PDILT: variants seen among roughly 807,000 people sequenced by gnomAD.
The protein encoded by PDILT is protein disulfide isomerase like, testis expressed.
A neutral mutation model predicts 53.7 loss-of-function variants in PDILT; 43 were observed. That is an observed-to-expected ratio of 0.80 (90% confidence interval 0.63 to 1.03). The LOEUF (loss-of-function observed/expected upper bound fraction) is 1.03. Among genes scored for constraint, PDILT ranks in the 50% least tolerant of loss-of-function variants. The pLI is 0.00. For synonymous variants in PDILT, 282 were observed against 274.2 expected (o/e 1.03, Z -0.28); for missense variants, 727 against 712.3 (o/e 1.02, Z -0.24).
intron 8 of PDILT, among the ~76,000 whole-genome samples, chr16:20,366,265 C>A (rs9806861): frequency 0.57 from 86,267 of 151,826 alleles, 25,294 homozygotes; most frequent in Middle Eastern, 0.63. Context: ...AAATGGCCAA[C>A]CTTCCTCCCA....
intron 8 of PDILT, 43 bp downstream of exon 8, chr16:20,369,449 G>A (rs190010602): frequency 1.3e-6 from 2 of 1,560,874 alleles, no homozygotes; most frequent in Admixed American, 1.7e-5. Context: ...AGAAGGAGAT[G>A]ATTTTGAGGT....
Position 20,365,470 on chromosome 16 carries a change from T to G in PDILT, c.1187A>C (p.Asn396Thr). 6.2e-7 allele frequency: 1 copy of G among 1,613,960 alleles called. No homozygotes were observed. The highest frequency in any genetic ancestry group is 8.5e-7 in the Non-Finnish European group (1 of 1,179,796). Residue 396 changes from asparagine to threonine, a missense_variant, in exon 9 of 12, where the codon AAC (asparagine) becomes ACC (threonine). Coordinates refer to ENST00000302451, the MANE Select transcript of PDILT (RefSeq NM_174924.2). ...TTTGTCAAAGACGACTACGTTGAAG[T>G]TCTTCCCCACGAGCTGCTTAACCAG... ...QGLVKQLVGK[N>T]FNVVVFDKEK...
In PDILT at chr16:20,369,698, G is replaced by C; in HGVS notation, c.919-9C>G. 5 of 1,613,782 alleles carry C rather than the reference G, an allele frequency of 3.1e-6. No homozygotes were observed. The highest frequency in any genetic ancestry group is 4.2e-6 in the Non-Finnish European group (5 of 1,179,946). ...ACAAGGATGAAAAGGATCTGCCAAAGAAAACAAAACCCTTGTCTCTCTGGA... is the reference window on the plus strand; with the variant it reads ...ACAAGGATGAAAAGGATCTGCCAAACAAAACAAAACCCTTGTCTCTCTGGA... On this transcript the variant is annotated splice_polypyrimidine_tract_variant and intron_variant, in intron 7 of 11. Transcript: ENST00000302451.
chr16:20,365,365 C>A, intron 9 of PDILT, 55 bp downstream of exon 9: 7 of 1,596,264 alleles, frequency 4.4e-6, no homozygotes, highest in Non-Finnish European at 6.0e-6. Context: ...AGGAGAAACA[C>A]TTGAAACATA....
At chr16:20,386,757 C>T (rs1966545143) in intron 2 of PDILT, among the ~76,000 whole-genome samples, 1 of 152,246 alleles carries the variant, frequency 6.6e-6, no homozygotes, top group Admixed American at 6.5e-5. Flanking sequence ...TGGCCAATTG[C>T]TGGCTGCTCT....
Position 20,397,773 on chromosome 16 carries a change from C to T in PDILT, c.202+1326G>A, listed in dbSNP as rs117862671. 9.3e-3 allele frequency among the ~76,000 whole-genome samples: 1,409 copies of T among 152,264 alleles called. 7 individuals are homozygous for T. Among genetic ancestry groups the T allele is most frequent in the South Asian group, 0.025 (121 of 4,810 alleles). ...GTGAAAACCAAGAAGGGAAAGGCACCCTGCCTCCCCTGCCCTGCTCTTCCC... is the reference window on the plus strand; with the variant it reads ...GTGAAAACCAAGAAGGGAAAGGCACTCTGCCTCCCCTGCCCTGCTCTTCCC... On this transcript the variant is annotated intron_variant, in intron 2 of 11. Transcript: ENST00000302451.
chr16:20,383,394 G>C (rs1168770513), intron 3 of PDILT, among the ~76,000 whole-genome samples: 2 of 152,114 alleles, frequency 1.3e-5, no homozygotes, highest in African/African-American at 4.8e-5. Flanking sequence ...TCATCCCCTG[G>C]TATCTATAGG....
At chr16:20,384,886 T>G in intron 2 of PDILT, 35 bp from the exon 3 acceptor site, 4 of 1,578,898 alleles carry the variant, frequency 2.5e-6, no homozygotes, top group Admixed American at 1.7e-5. Flanking sequence ...TGAGAGGCCT[T>G]TCCTCGCTCC....
chr16:20,365,915 T>C (rs1966185137), intron 8 of PDILT, among the ~76,000 whole-genome samples: 1 of 151,888 alleles, frequency 6.6e-6, no homozygotes, highest in Admixed American at 6.6e-5. Context: ...ACCTCATCTC[T>C]ACTAAAAAAA....
chr16:20,399,286 C>A lies in PDILT; in HGVS notation c.15G>T (p.Trp5Cys). Residue 5 changes from tryptophan to cysteine, a missense_variant, in exon 2 of 12, where the codon TGG becomes TGT. Physicochemically the swap from Trp to Cys is radical, Grantham distance 215 (BLOSUM62 -2). Transcript: ENST00000302451. ...AAGCGGCCACCAGCAGCAGGGGCAT[C>A]CAGAGTAGGTCCATGGCTGTCCTGC... is the stretch of plus-strand genomic sequence containing the variant. MDLL[W>C]MPLLLVAACV... is the part of the protein sequence containing the mutation. The A allele has an allele frequency of 6.2e-7, 1 of 1,613,952 alleles. No individual in the cohort carries two copies. The highest frequency in any genetic ancestry group is 1.1e-5 in the South Asian group (1 of 91,078).
At chr16:20,390,318 A>AC (rs1367887153) in intron 2 of PDILT, among the ~76,000 whole-genome samples, 2 of 151,916 alleles carry the variant, frequency 1.3e-5, no homozygotes, top group East Asian at 3.9e-4. Flanking sequence ...CTCTTCAGAA[A>AC]CCCTATATCT....
intron 2 of PDILT, among the ~76,000 whole-genome samples, chr16:20,389,662 T>C (rs956486435): frequency 6.6e-6 from 1 of 152,160 alleles, no homozygotes; most frequent in Non-Finnish European, 1.5e-5. Context: ...TCCCTGACTG[T>C]CTGCTTGGTG....
At chr16:20,364,648 G>T (rs1007036545) in intron 9 of PDILT, among the ~76,000 whole-genome samples, 1 of 152,162 alleles carries the variant, frequency 6.6e-6, no homozygotes, top group Non-Finnish European at 1.5e-5. Context: ...ACCTTTCTCT[G>T]TGTCTCAGGG....
intron 3 of PDILT, among the ~76,000 whole-genome samples, chr16:20,380,595 C>A (rs980858904): frequency 3.3e-5 from 5 of 152,234 alleles, no homozygotes; most frequent in Non-Finnish European, 7.3e-5. Flanking sequence ...CTTGGCCTCC[C>A]AAAGTGCTGG....
chr16:20,400,672 G>T (rs1966729235), intron 1 of PDILT, among the ~76,000 whole-genome samples: 1 of 151,848 alleles, frequency 6.6e-6, no homozygotes, highest in African/African-American at 2.4e-5. Context: ...TACCCCCAAG[G>T]TACCCATCAC....
chr16:20,395,276 G>A (rs1425261420), intron 2 of PDILT, among the ~76,000 whole-genome samples: 1 of 152,116 alleles, frequency 6.6e-6, no homozygotes, highest in Non-Finnish European at 1.5e-5. Flanking sequence ...AACATCCATG[G>A]GCCTAAGTTC....
chr16:20,378,410 T>A (rs1346189039), intron 3 of PDILT, among the ~76,000 whole-genome samples: 1 of 152,136 alleles, frequency 6.6e-6, no homozygotes, highest in East Asian at 1.9e-4. Flanking sequence ...TCCTTCTTGT[T>A]CTTCTTCTGC....
chr16:20,399,033 T>A (rs1310194061), intron 2 of PDILT, 66 bp downstream of exon 2: 19 of 1,556,930 alleles, frequency 1.2e-5, no homozygotes, highest in African/African-American at 5.4e-5. Context: ...ACTCTTCTGG[T>A]CCCCACACAC....
chr16:20,398,961 C>T, intron 2 of PDILT, 138 bp downstream of exon 2: 2 of 929,122 alleles, frequency 2.2e-6, no homozygotes, highest in Non-Finnish European at 3.3e-6. Context: ...ATGATGCTGT[C>T]TATATATATT....
Sources: gnomAD v4.1 joint callset for allele counts (sites outside exome capture counted in the v4.1 genomes callset) on GRCh38, gnomAD v4.1.1 for gene constraint, MANE v1.5 for transcripts, NCBI Gene and HGNC (gene_info 2026-07-23, HGNC 2026-07-21) for gene names.